Variants in NXPE4 observed in about 807,000 individuals in gnomAD.
NXPE4 encodes the protein neurexophilin and PC-esterase domain family member 4.
NXPE4 carries 42 observed loss-of-function variants against 33.3 expected under a neutral mutation model. That is an observed-to-expected ratio of 1.26 (90% CI 0.98 to 1.63). The LOEUF (loss-of-function observed/expected upper bound fraction) is 1.63. Ranked by LOEUF, NXPE4 falls within the 40% of genes most tolerant of loss-of-function variation. The pLI is 0.00. For synonymous variants in NXPE4, 253 were observed against 234.9 expected (o/e 1.08, Z -0.71); for missense variants, 709 against 647.6 (o/e 1.09, Z -1.03).
chr11:114,608,371 T>C, the NXPE4 span, among the ~76,000 whole-genome samples: 1 of 151,922 alleles, frequency 6.6e-6, no homozygotes, highest in South Asian at 2.1e-4. Context: ...TCTTACCATG[T>C]GGATAATAAG....
chr11:114,592,203 C>A (rs1949473165), intron 2 of NXPE4, among the ~76,000 whole-genome samples: 1 of 151,990 alleles, frequency 6.6e-6, no homozygotes, highest in Admixed American at 6.6e-5. Context: ...AAATAAAGGG[C>A]ATACAAGTTG....
chr11:114,627,044 T>C, the NXPE4 span, among the ~76,000 whole-genome samples: 9 of 151,770 alleles, frequency 5.9e-5, no homozygotes, highest in Non-Finnish European at 1.3e-4. Flanking sequence ...TACATCTCAT[T>C]TGTGTACCTG....
chr11:114,585,884 A>T (rs1350130639), intron 2 of NXPE4, among the ~76,000 whole-genome samples: 1 of 152,184 alleles, frequency 6.6e-6, no homozygotes, highest in Non-Finnish European at 1.5e-5. Context: ...AGGGCCAGGC[A>T]TGTTCAACAT....
chr11:114,580,682 T>A (rs904466528), intron 4 of NXPE4, among the ~76,000 whole-genome samples: 2 of 152,226 alleles, frequency 1.3e-5, no homozygotes, highest in Non-Finnish European at 2.9e-5. Flanking sequence ...AATTATCCTA[T>A]CATTTTAGCT....
At chr11:114,632,279 T>C in the NXPE4 span, among the ~76,000 whole-genome samples, 5 of 138,870 alleles carry the variant, frequency 3.6e-5, no homozygotes, top group Non-Finnish European at 7.6e-5. Context: ...GTATATATAC[T>C]ATATATGTAT....
At chr11:114,611,058 T>C in the NXPE4 span, among the ~76,000 whole-genome samples, 1 of 151,688 alleles carries the variant, frequency 6.6e-6, no homozygotes, top group Non-Finnish European at 1.5e-5. Context: ...TGTTGCGTCA[T>C]GGGTAACCAC....
chr11:114,615,159 T>C, the NXPE4 span, among the ~76,000 whole-genome samples: 5 of 152,002 alleles, frequency 3.3e-5, no homozygotes, highest in African/African-American at 1.2e-4. Context: ...TAACCACTCT[T>C]ACCAGGTGGA....
At chr11:114,636,222 T>G in the NXPE4 span, among the ~76,000 whole-genome samples, 1 of 152,092 alleles carries the variant, frequency 6.6e-6, no homozygotes, top group Non-Finnish European at 1.5e-5. Flanking sequence ...ATTTATCCAT[T>G]TTTTCTAGAT....
At chr11:114,630,778 A>T in the NXPE4 span, among the ~76,000 whole-genome samples, 5 of 151,922 alleles carry the variant, frequency 3.3e-5, no homozygotes, top group African/African-American at 9.7e-5. Flanking sequence ...TACTCATCTG[A>T]TAAAGGGTTA....
At chr11:114,659,816 G>A in the NXPE4 span, among the ~76,000 whole-genome samples, 3 of 151,992 alleles carry the variant, frequency 2.0e-5, no homozygotes, top group Admixed American at 6.6e-5. Flanking sequence ...AAACAATAAT[G>A]TAGATAAGAG....
the NXPE4 span, among the ~76,000 whole-genome samples, chr11:114,616,063 T>C: frequency 6.6e-6 from 1 of 151,712 alleles, no homozygotes; most frequent in Admixed American, 6.6e-5. Context: ...AAGTATTGCC[T>C]CATGGGTAAA....
the NXPE4 span, among the ~76,000 whole-genome samples, chr11:114,666,860 G>C: frequency 2.0e-5 from 3 of 151,858 alleles, no homozygotes; most frequent in African/African-American, 7.3e-5. Context: ...AATTACCAAA[G>C]GAAAAACAAA....
the NXPE4 span, among the ~76,000 whole-genome samples, chr11:114,615,319 A>G: frequency 6.6e-6 from 1 of 151,814 alleles, no homozygotes; most frequent in African/African-American, 2.4e-5. Context: ...CTTGTGGGTA[A>G]CCACCATTAC....
the NXPE4 span, among the ~76,000 whole-genome samples, chr11:114,601,960 A>G: frequency 2.4e-5 from 2 of 83,218 alleles, no homozygotes; most frequent in African/African-American, 4.8e-5. Context: ...ATATAATATT[A>G]TATATTATAT....
chr11:114,608,895 G>A, the NXPE4 span, among the ~76,000 whole-genome samples: 41 of 151,714 alleles, frequency 2.7e-4, no homozygotes, highest in African/African-American at 8.0e-4. Flanking sequence ...GTATTGCCTC[G>A]TGGGTAACCA....
Position 114,570,916 on chromosome 11 carries a change from G to A in NXPE4, c.*22C>T, listed in dbSNP as rs749174566. ...AATAAATTTTTTTACTTAAGTGAATGAATTTCAGACTTTTGTGTTATTTAA... is the reference window on the plus strand; with the variant it reads ...AATAAATTTTTTTACTTAAGTGAATAAATTTCAGACTTTTGTGTTATTTAA... On this transcript the variant is annotated 3_prime_UTR_variant, in exon 6 of 6. Coordinates refer to ENST00000375478, the MANE Select transcript of NXPE4 (RefSeq NM_001077639.2). The A allele has an allele frequency of 2.6e-6, 4 of 1,515,482 alleles. No individual in the cohort carries two copies. The highest frequency in any genetic ancestry group is 3.8e-5 in the Admixed American group (2 of 52,212). 93.9% of individuals were successfully genotyped at this position (1,515,482 alleles called of 1,614,324 possible). A position where few individuals can be genotyped will look rare whatever the true frequency, so the allele number is the denominator to read the frequency against.
intron 4 of NXPE4, among the ~76,000 whole-genome samples, chr11:114,580,734 C>A (rs1410703472): frequency 6.6e-6 from 1 of 152,096 alleles, no homozygotes; most frequent in Non-Finnish European, 1.5e-5. Flanking sequence ...TTAAATGACA[C>A]CATCAAAATA....
chr11:114,602,675 CAT>C, the NXPE4 span, among the ~76,000 whole-genome samples: 2 of 141,004 alleles, frequency 1.4e-5, no homozygotes, highest in African/African-American at 2.6e-5. Flanking sequence ...ATTACAGAAT[CAT>C]ATGTAATAAT....
chr11:114,579,992 C>T, intron 5 of NXPE4, 140 bp downstream of exon 5: 1 of 699,418 alleles, frequency 1.4e-6, no homozygotes, highest in Non-Finnish European at 2.5e-6. Flanking sequence ...GGAAGGATAA[C>T]AATGCCTTGT....
Sources: gnomAD v4.1 joint callset for allele counts (sites outside exome capture counted in the v4.1 genomes callset) on GRCh38, gnomAD v4.1.1 for gene constraint, MANE v1.5 for transcripts, NCBI Gene and HGNC (gene_info 2026-07-23, HGNC 2026-07-21) for gene names.